The following COL11A1 variants were observed in gnomAD, a reference collection of about 807,000 sequenced individuals.
The protein encoded by COL11A1 is collagen type XI alpha 1 chain.
COL11A1 carries 74 observed loss-of-function variants against 265.2 expected under a neutral mutation model. The ratio of observed to expected loss-of-function variants is 0.28; its 90% CI spans 0.23 to 0.34. The LOEUF is 0.34. Ranked by LOEUF, COL11A1 falls within the 10% of genes least tolerant of loss-of-function variation. The pLI is 1.00. For missense variants in COL11A1, 2,165 were observed against 2,263.6 expected (o/e 0.96, Z 0.88); for synonymous variants, 816 against 727.6 (o/e 1.12, Z -1.96).
chr1:102,977,763 A>C (rs935102180), intron 35 of COL11A1, among the ~76,000 whole-genome samples: 1 of 152,138 alleles, frequency 6.6e-6, no homozygotes, highest in Non-Finnish European at 1.5e-5. Context: ...GGAACAGTTC[A>C]TCGAGAGTGA....
intron 46 of COL11A1, among the ~76,000 whole-genome samples, chr1:102,932,811 A>C (rs1479242354): frequency 6.6e-6 from 1 of 151,456 alleles, no homozygotes; most frequent in Non-Finnish European, 1.5e-5. Context: ...TTTTTTCTCT[A>C]AACTTCCCTT....
chr1:103,030,924 T>A, intron 5 of COL11A1, 192 bp downstream of exon 5: 1 of 650,548 alleles, frequency 1.5e-6, no homozygotes, highest in Non-Finnish European at 2.6e-6. Flanking sequence ...ATTTATGTAA[T>A]CAAATGCTTA....
At chr1:102,893,331 T>C (rs981508425) in intron 57 of COL11A1, among the ~76,000 whole-genome samples, 1 of 152,154 alleles carries the variant, frequency 6.6e-6, no homozygotes, top group East Asian at 1.9e-4. Flanking sequence ...TGAATATTAA[T>C]TTATCTAAGC....
At chr1:102,944,122 C>T (rs1462768911) in intron 42 of COL11A1, among the ~76,000 whole-genome samples, 1 of 152,122 alleles carries the variant, frequency 6.6e-6, no homozygotes, top group Non-Finnish European at 1.5e-5. Flanking sequence ...TTCCACAGGT[C>T]ACATCTTGCC....
intron 58 of COL11A1, among the ~76,000 whole-genome samples, chr1:102,890,053 C>A (rs1442596323): frequency 6.6e-6 from 1 of 152,124 alleles, no homozygotes; most frequent in Non-Finnish European, 1.5e-5. Flanking sequence ...GTACTTGGTG[C>A]AACTCAGCAT....
rs1650479753 is a variant in COL11A1, at chr1:102,883,239, C to T, written c.4931G>A (p.Gly1644Asp). 1.1e-5 allele frequency: 18 copies of T among 1,613,572 alleles called. No individual in the cohort carries two copies. The highest frequency in any genetic ancestry group is 1.4e-5 in the Non-Finnish European group (17 of 1,179,692). Residue 1644 changes from glycine (G) to aspartate (D), a missense_variant, in exon 64 of 67, where the codon GGT becomes GAT. Coordinates refer to ENST00000370096, the MANE Select transcript of COL11A1 (RefSeq NM_001854.4). ...SFKVYCNFTS[G>D]GETCIYPDKK... ...GTCTGGATAAATGCAAGTCTCACCA[C>T]CAGATGTGAAATTACAGTAAACTTT...
intron 37 of COL11A1, among the ~76,000 whole-genome samples, chr1:102,968,237 T>C (rs1302697287): frequency 6.6e-6 from 1 of 152,216 alleles, no homozygotes; most frequent in Non-Finnish European, 1.5e-5. Context: ...TGGAAATTAA[T>C]TGGACATATT....
intron 1 of COL11A1, chr1:103,100,343 A>G (rs375990664): frequency 6.6e-6 from 1 of 152,048 alleles, no homozygotes. Flanking sequence ...CAAGCCAACC[A>G]CAACTGGAAC....
chr1:102,978,696 T>C lies in COL11A1; in HGVS notation c.2754+12A>G. The C allele has an allele frequency of 1.2e-6, 2 of 1,613,458 alleles. No homozygotes were observed. Among genetic ancestry groups the C allele is most frequent in the Non-Finnish European group, 1.7e-6 (2 of 1,179,344 alleles). On this transcript the variant is annotated intron_variant, in intron 35 of 66. Coordinates refer to ENST00000370096, the MANE Select transcript of COL11A1 (RefSeq NM_001854.4). ...ATTTTCATTTTATATTATGTGGCTG[T>C]ATCATACGTACTCTTTCACCTGGAG...
At chr1:103,065,180 A>G (rs1401292416) in intron 4 of COL11A1, among the ~76,000 whole-genome samples, 1 of 17,740 alleles carries the variant, frequency 5.6e-5, no homozygotes, top group Non-Finnish European at 2.1e-4. Context: ...CTTTCTGCTC[A>G]ACTTTGGAAC....
At chr1:103,061,562 C>T (rs1031214368) in intron 4 of COL11A1, among the ~76,000 whole-genome samples, 51 of 151,906 alleles carry the variant, frequency 3.4e-4, no homozygotes, top group Non-Finnish European at 6.2e-4. Flanking sequence ...CAAACCGTAA[C>T]AGAAAGATAA....
intron 46 of COL11A1, among the ~76,000 whole-genome samples, chr1:102,924,975 G>A (rs1227626919): frequency 6.6e-6 from 1 of 151,550 alleles, no homozygotes; most frequent in Non-Finnish European, 1.5e-5. Context: ...TGTTTTTAGT[G>A]TATAATTATT....
intron 45 of COL11A1, 100 bp from the exon 46 acceptor site, chr1:102,934,656 A>G: frequency 2.2e-6 from 2 of 920,838 alleles, no homozygotes; most frequent in Non-Finnish European, 3.5e-6. Flanking sequence ...AAGCAGATGT[A>G]TTTAAGAATA....
intron 3 of COL11A1, among the ~76,000 whole-genome samples, chr1:103,078,257 G>C (rs1672128860): frequency 6.6e-6 from 1 of 152,016 alleles, no homozygotes; most frequent in African/African-American, 2.4e-5. Context: ...CCTGGAATCA[G>C]AGACTGTATT....
intron 1 of COL11A1, among the ~76,000 whole-genome samples, chr1:103,091,382 A>T (rs1673308426): frequency 6.6e-6 from 1 of 152,096 alleles, no homozygotes; most frequent in Non-Finnish European, 1.5e-5. Context: ...ATGATGTCAC[A>T]CAAATAATGC....
At chr1:102,974,141 G>A (rs1247041820) in intron 36 of COL11A1, among the ~76,000 whole-genome samples, 2 of 151,410 alleles carry the variant, frequency 1.3e-5, no homozygotes, top group African/African-American at 4.9e-5. Context: ...AGGTGGGTAA[G>A]CTGACTCCCA....
At chr1:103,008,634 A>G (rs1178780938) in intron 14 of COL11A1, 118 bp from the exon 15 acceptor site, 13 of 892,522 alleles carry the variant, frequency 1.5e-5, no homozygotes, top group Non-Finnish European at 2.2e-5. Flanking sequence ...TCATATTAGC[A>G]TTAACTTATT....
chr1:102,984,705 GA>G (rs922678444), intron 30 of COL11A1, among the ~76,000 whole-genome samples: 4 of 151,984 alleles, frequency 2.6e-5, no homozygotes, highest in African/African-American at 9.7e-5. Context: ...GATATGCAAA[GA>G]AATTCAGAAT....
chr1:102,998,292 CA>C lies in COL11A1; in HGVS notation c.2196+17del. On this transcript the variant is annotated intron_variant, in intron 25 of 66. Transcript: ENST00000370096. Reference sequence around the variant, plus strand: ...GATAATGTAAAGAAATTTTAATGACCAGGTAGCTGTTACTTACAGGAGGCCC... The same window carrying C: ...GATAATGTAAAGAAATTTTAATGACCGGTAGCTGTTACTTACAGGAGGCCC... 1 of 1,599,384 alleles carries C rather than the reference CA, an allele frequency of 6.3e-7. No homozygotes were observed. Among genetic ancestry groups the C allele is most frequent in the Non-Finnish European group, 8.6e-7 (1 of 1,169,390 alleles).
Sources: gnomAD v4.1 joint callset for allele counts (sites outside exome capture counted in the v4.1 genomes callset) on GRCh38, gnomAD v4.1.1 for gene constraint, MANE v1.5 for transcripts, NCBI Gene and HGNC (gene_info 2026-07-23, HGNC 2026-07-21) for gene names.